Variants in LINGO2 observed in about 807,000 individuals in gnomAD.
The protein encoded by LINGO2 is leucine-rich repeat and immunoglobulin-like domain-containing nogo receptor-interacting protein 2.
In LINGO2, 14 loss-of-function variants were observed where a neutral mutation model predicts 30.6. The ratio of observed to expected loss-of-function variants is 0.46; its 90% CI spans 0.30 to 0.72. The LOEUF (loss-of-function observed/expected upper bound fraction) is 0.72. LINGO2 is among the 30% of genes least tolerant of loss of function. The probability of loss-of-function intolerance (pLI) is 0.07; values close to 1 mark genes in which losing one functional copy is unlikely to be tolerated. For synonymous variants in LINGO2, 317 were observed against 288.5 expected (o/e 1.10, Z -1.00); for missense variants, 729 against 751.7 (o/e 0.97, Z 0.35).
intron 1 of LINGO2, among the ~76,000 whole-genome samples, chr9:28,620,147 G>A (rs1450533551): frequency 6.6e-6 from 1 of 152,042 alleles, no homozygotes; most frequent in Non-Finnish European, 1.5e-5. Context: ...ACAGCCCTAA[G>A]TGCTGCATTC....
chr9:28,863,575 C>T, the LINGO2 span: 1 of 514,788 alleles, frequency 1.9e-6, no homozygotes, highest in South Asian at 1.5e-5. Flanking sequence ...CTCAATGGCT[C>T]AGTAAAGGAA....
rs542499061 is a variant in LINGO2 at position 28,147,390 on chromosome 9, G to T, written c.-86-134985C>A. On this transcript the variant is annotated intron_variant, in intron 4 of 5. Coordinates refer to ENST00000379992, the Ensembl canonical transcript of LINGO2. This position sits in a 1 kb window ranked among gnomAD's most constrained non-coding sequence, Gnocchi z 4.7. ...GCCAGGGAGGCATGTGGTAAGAGGCGCATCCAGTCAGGTCAGGGCACCGCG... is the reference window on the plus strand; with the variant it reads ...GCCAGGGAGGCATGTGGTAAGAGGCTCATCCAGTCAGGTCAGGGCACCGCG... Among the ~76,000 whole-genome samples the T allele has an allele frequency of 1.3e-5, 2 of 152,194 alleles. No individual in the cohort carries two copies. The highest frequency in any genetic ancestry group is 6.5e-5 in the Admixed American group (1 of 15,282).
At chr9:28,575,489 A>G (rs528379753) in intron 1 of LINGO2, among the ~76,000 whole-genome samples, 97 of 152,256 alleles carry the variant, frequency 6.4e-4, no homozygotes, top group Non-Finnish European at 1.3e-3. Flanking sequence ...ACACATGGAC[A>G]TAAAGATGAG....
chr9:29,204,041 T>C, the LINGO2 span, among the ~76,000 whole-genome samples: 15 of 152,204 alleles, frequency 9.9e-5, no homozygotes, highest in Admixed American at 6.5e-5. Context: ...CATAAAATAA[T>C]GCATTTGTTC....
chr9:27,998,621 A>T (rs970932605), intron 5 of LINGO2, among the ~76,000 whole-genome samples: 1 of 152,202 alleles, frequency 6.6e-6, no homozygotes, highest in African/African-American at 2.4e-5. Context: ...TCTACTAAAA[A>T]TGAAAAAGAA....
intron 1 of LINGO2, among the ~76,000 whole-genome samples, chr9:28,532,913 A>T (rs916330715): frequency 1.3e-5 from 2 of 152,030 alleles, no homozygotes; most frequent in African/African-American, 4.8e-5. Context: ...GTCAGTCTTC[A>T]CAAGGCAATC....
At chr9:28,026,728 A>G (rs1823396257) in intron 4 of LINGO2, among the ~76,000 whole-genome samples, 2 of 152,184 alleles carry the variant, frequency 1.3e-5, no homozygotes, top group South Asian at 4.1e-4. Flanking sequence ...CCCTGTTTCT[A>G]GATGGAAGCA....
At chr9:28,221,240 C>T (rs962281144) in intron 4 of LINGO2, among the ~76,000 whole-genome samples, 1 of 143,320 alleles carries the variant, frequency 7.0e-6, no homozygotes, top group African/African-American at 2.7e-5. Context: ...GCGGAGCTTG[C>T]AGTGAGCGGA....
chr9:28,429,361 C>T (rs145296127), intron 2 of LINGO2, among the ~76,000 whole-genome samples: 11 of 151,834 alleles, frequency 7.2e-5, no homozygotes, highest in African/African-American at 2.7e-4. Context: ...CTTTTTTCTT[C>T]CCTATATGGT....
the LINGO2 span, among the ~76,000 whole-genome samples, chr9:29,159,861 AT>A: frequency 6.6e-6 from 1 of 151,864 alleles, no homozygotes; most frequent in African/African-American, 2.4e-5. Context: ...TACTTTGTGA[AT>A]CATGAAACTT....
chr9:28,359,222 C>G (rs1018700162), intron 3 of LINGO2, among the ~76,000 whole-genome samples: 2 of 152,124 alleles, frequency 1.3e-5, no homozygotes, highest in Admixed American at 1.3e-4. Context: ...GAAAGTCCCC[C>G]TGAGTTCCTG....
chr9:28,746,447 A>G, the LINGO2 span, among the ~76,000 whole-genome samples: 7 of 152,128 alleles, frequency 4.6e-5, no homozygotes, highest in Admixed American at 3.3e-4. Flanking sequence ...TGAAAATTTC[A>G]TATCTAATTG....
At chr9:28,766,382 A>G in the LINGO2 span, among the ~76,000 whole-genome samples, 5 of 151,938 alleles carry the variant, frequency 3.3e-5, no homozygotes, top group Admixed American at 6.6e-5. Context: ...AATGAAAATC[A>G]AAGCCACAAT....
At chr9:28,327,647 C>T (rs1312936106) in intron 3 of LINGO2, among the ~76,000 whole-genome samples, 1 of 152,134 alleles carries the variant, frequency 6.6e-6, no homozygotes, top group East Asian at 1.9e-4. Context: ...CAGAAATAAG[C>T]ACACTTGTTT....
the LINGO2 span, among the ~76,000 whole-genome samples, chr9:28,790,769 T>C: frequency 4.6e-5 from 7 of 152,210 alleles, no homozygotes; most frequent in Non-Finnish European, 1.0e-4. Context: ...TTATCAGTTA[T>C]TGTTAATCTC....
At chr9:28,552,885 TA>T (rs138795865) in intron 1 of LINGO2, among the ~76,000 whole-genome samples, 386 of 145,234 alleles carry the variant, frequency 2.7e-3, no homozygotes, top group South Asian at 8.5e-3. Context: ...TTTCCAACAT[TA>T]AAAAAAAAAA....
chr9:28,088,486 T>C (rs1486224031), intron 4 of LINGO2, among the ~76,000 whole-genome samples: 1 of 152,042 alleles, frequency 6.6e-6, no homozygotes, highest in East Asian at 1.9e-4. Context: ...TCTGGTTTTC[T>C]TCCCTCATCC....
chr9:28,135,361 G>A (rs1436171481), intron 4 of LINGO2, among the ~76,000 whole-genome samples: 2 of 152,056 alleles, frequency 1.3e-5, no homozygotes, highest in East Asian at 3.9e-4. Flanking sequence ...AAAATAAAAT[G>A]AGTAAAGAAG....
At chr9:28,888,515 C>T in the LINGO2 span, among the ~76,000 whole-genome samples, 1 of 152,036 alleles carries the variant, frequency 6.6e-6, no homozygotes, top group African/African-American at 2.4e-5. Context: ...TAAGGGAATA[C>T]ATATGATTTT....
Sources: gnomAD v4.1 joint callset for allele counts (sites outside exome capture counted in the v4.1 genomes callset) on GRCh38, gnomAD v4.1.1 for gene constraint, Gnocchi (gnomAD v3.1) non-coding constraint, MANE v1.5 for transcripts, NCBI Gene and HGNC (gene_info 2026-07-23, HGNC 2026-07-21) for gene names.